The following PPFIA1 variants were observed in gnomAD, a reference collection of about 807,000 sequenced individuals.
PPFIA1 encodes liprin-alpha-1.
PPFIA1 carries 25 observed loss-of-function variants against 149.9 expected under a neutral mutation model. That is an observed-to-expected ratio of 0.17 (90% confidence interval 0.12 to 0.23). The LOEUF (loss-of-function observed/expected upper bound fraction) is 0.23. PPFIA1 is among the 10% of genes least tolerant of loss of function. PPFIA1 has a pLI of 1.00. For missense variants in PPFIA1, 1,362 were observed against 1,506.5 expected (o/e 0.90, Z 1.59); for synonymous variants, 549 against 552.8 (o/e 0.99, Z 0.10).
intron 16 of PPFIA1, among the ~76,000 whole-genome samples, chr11:70,351,565 C>T (rs1220369506): frequency 6.6e-6 from 1 of 152,204 alleles, no homozygotes; most frequent in African/African-American, 2.4e-5. Context: ...AATCCAAAAT[C>T]TGAAATGCTC....
intron 14 of PPFIA1, among the ~76,000 whole-genome samples, chr11:70,342,935 C>CGTTTT (rs1565421266): frequency 2.9e-5 from 3 of 103,150 alleles, no homozygotes; most frequent in African/African-American, 1.3e-4. Flanking sequence ...AAATGTACCA[C>CGTTTT]CTTTTTTTTT....
intron 2 of PPFIA1, among the ~76,000 whole-genome samples, chr11:70,297,262 A>G (rs1024188338): frequency 2.6e-5 from 4 of 152,034 alleles, no homozygotes; most frequent in African/African-American, 9.7e-5. Context: ...TCAAAAAGTT[A>G]TTTGGGCGTG....
At chr11:70,307,670 T>A (rs2136453215) in intron 2 of PPFIA1, among the ~76,000 whole-genome samples, 1 of 152,180 alleles carries the variant, frequency 6.6e-6, no homozygotes, top group East Asian at 1.9e-4. Context: ...CCTGTAGTCC[T>A]AGCACTTTGG....
Position 70,372,290 on chromosome 11 carries a change from C to T in PPFIA1, c.2941C>T (p.Arg981Cys), listed in dbSNP as rs2057303648. ...CCCCAGCCTGGGCCTCCCCCAGTACCGCAGCTACTTCATGGAGTGCCTTGT... is the reference window on the plus strand; with the variant it reads ...CCCCAGCCTGGGCCTCCCCCAGTACTGCAGCTACTTCATGGAGTGCCTTGT... ...WLPSLGLPQYRSYFMECLVDA... is the reference protein window; with the variant it reads ...WLPSLGLPQYCSYFMECLVDA... Residue 981 changes from arginine (R) to cysteine (C), a missense_variant, in exon 22 of 28, where the codon CGC becomes TGC. Transcript: ENST00000253925. 3.1e-6 allele frequency: 5 copies of T among 1,614,222 alleles called. No homozygotes were observed. The highest frequency in any genetic ancestry group is 1.1e-5 in the South Asian group (1 of 91,080).
chr11:70,376,698 A>T (rs2057505514), intron 25 of PPFIA1, 98 bp downstream of exon 25: 5 of 1,029,970 alleles, frequency 4.9e-6, no homozygotes, highest in Non-Finnish European at 7.6e-6. Flanking sequence ...TACTTGGGAC[A>T]TCATGTAGCT....
intron 8 of PPFIA1, among the ~76,000 whole-genome samples, chr11:70,331,158 C>T (rs1429216815): frequency 6.0e-5 from 9 of 150,916 alleles, no homozygotes; most frequent in Non-Finnish European, 1.0e-4. Context: ...TCGCTTGAAC[C>T]CAAGAGGCGG....
chr11:70,365,919 ATTCC>A (rs2056906433), intron 21 of PPFIA1: 1 of 456,386 alleles, frequency 2.2e-6, no homozygotes, highest in South Asian at 1.5e-5. Context: ...GTTCTTTTGC[ATTCC>A]TAACCACGTA....
intron 24 of PPFIA1, 93 bp from the exon 25 acceptor site, chr11:70,376,439 G>GTT: frequency 7.8e-7 from 1 of 1,276,708 alleles, no homozygotes; most frequent in South Asian, 1.2e-5. Flanking sequence ...CAGTGAGGGA[G>GTT]TTTAAGTCTT....
intron 19 of PPFIA1, among the ~76,000 whole-genome samples, chr11:70,356,820 C>G (rs554778568): frequency 6.6e-6 from 1 of 152,186 alleles, no homozygotes; most frequent in Non-Finnish European, 1.5e-5. Flanking sequence ...TTCTCTCTTC[C>G]GTAGATCGGG....
rs199879101 is a variant in PPFIA1 at position 70,378,094 on chromosome 11, G to A, written c.3449G>A (p.Arg1150His). ...WRKKFRPKDI[R>H]GLAAGSAETL... ...AAAAAGTTTAGACCAAAGGACATTC[G>A]TGGCTTAGCTGCTGGGTCAGCAGAG... The change falls in exon 26 of 28, where the codon CGT becomes CAT. Residue 1150 changes from arginine to histidine, a missense_variant. Arg to His is a conservative substitution (Grantham distance 29). Transcript: ENST00000253925. 4.2e-5 allele frequency: 68 copies of A among 1,614,136 alleles called. 1 individual carries two copies. The East Asian group carries it at 1.2e-3, about 29-fold the overall frequency.
chr11:70,298,312 G>C (rs2052227623), intron 2 of PPFIA1, among the ~76,000 whole-genome samples: 1 of 152,160 alleles, frequency 6.6e-6, no homozygotes, highest in African/African-American at 2.4e-5. Flanking sequence ...GCAGTAGTGG[G>C]TGGGTAGAAT....
chr11:70,375,848 A>C (rs1249776047), intron 24 of PPFIA1, among the ~76,000 whole-genome samples: 1 of 152,016 alleles, frequency 6.6e-6, no homozygotes, highest in African/African-American at 2.4e-5. Context: ...ACCCCTGACC[A>C]ACCCACACAA....
intron 2 of PPFIA1, among the ~76,000 whole-genome samples, chr11:70,286,886 A>G (rs534902108): frequency 1.3e-5 from 2 of 149,390 alleles, no homozygotes; most frequent in South Asian, 2.1e-4. Context: ...GTGCGCCACT[A>G]TGGTTGGCTA....
chr11:70,381,993 G>A, intron 26 of PPFIA1, 95 bp from the exon 27 acceptor site: 2 of 1,048,088 alleles, frequency 1.9e-6, no homozygotes, highest in Non-Finnish European at 2.9e-6. Flanking sequence ...ACTGCTGTAG[G>A]TGTGAAGATG....
intron 2 of PPFIA1, among the ~76,000 whole-genome samples, chr11:70,298,926 C>T (rs902383761): frequency 1.3e-5 from 2 of 152,054 alleles, no homozygotes. Flanking sequence ...ACAATTTTAC[C>T]ATGCCTTTTT....
intron 23 of PPFIA1, 44 bp downstream of exon 23, chr11:70,372,618 T>C (rs772833536): frequency 6.7e-7 from 1 of 1,499,556 alleles, no homozygotes; most frequent in Non-Finnish European, 9.2e-7. Flanking sequence ...TCCTACTTGC[T>C]GGTGTGTTTG....
intron 14 of PPFIA1, 119 bp from the exon 15 acceptor site, chr11:70,343,550 C>T (rs943989119): frequency 1.2e-6 from 1 of 849,574 alleles, no homozygotes; most frequent in Non-Finnish European, 1.9e-6. Context: ...ATAAGCATGG[C>T]CCATCTTTCT....
chr11:70,335,613 C>T lies in PPFIA1; in HGVS notation c.1347C>T (p.Asp449=). The change falls in exon 11 of 28, where the codon GAC becomes GAT. Residue 449 remains aspartate (D), a synonymous_variant. Coordinates refer to ENST00000253925, the MANE Select transcript of PPFIA1 (RefSeq NM_003626.5). ...MNEEHNKRLS[D]TVDKLLSESN... ...AAGAACATAATAAACGTTTATCAGA[C>T]ACTGTTGACAAGCTGCTTTCAGAAT... The T allele has an allele frequency of 6.2e-7, 1 of 1,613,994 alleles. No individual in the cohort carries two copies. Among genetic ancestry groups the T allele is most frequent in the East Asian group, 2.2e-5 (1 of 44,890 alleles).
intron 2 of PPFIA1, among the ~76,000 whole-genome samples, chr11:70,280,796 G>C (rs2050716495): frequency 6.6e-6 from 1 of 152,118 alleles, no homozygotes; most frequent in African/African-American, 2.4e-5. Context: ...TTAAACTCCT[G>C]ACCTCAAGTG....
Sources: gnomAD v4.1 joint callset for allele counts (sites outside exome capture counted in the v4.1 genomes callset) on GRCh38, gnomAD v4.1.1 for gene constraint, MANE v1.5 for transcripts, NCBI Gene and HGNC (gene_info 2026-07-23, HGNC 2026-07-21) for gene names.